The following ERC1 variants were observed in gnomAD, a reference collection of about 807,000 sequenced individuals.
ERC1 encodes RAB6 interacting protein 2.
ERC1 carries 56 observed loss-of-function variants against 132.0 expected under a neutral mutation model. The ratio of observed to expected loss-of-function variants is 0.42; its 90% CI spans 0.34 to 0.53. ERC1 has a LOEUF of 0.53. Ranked by LOEUF, ERC1 falls within the 20% of genes least tolerant of loss-of-function variation. The pLI is 0.03. For missense variants in ERC1, 1,202 were observed against 1,349.9 expected (o/e 0.89, Z 1.72); for synonymous variants, 478 against 476.1 (o/e 1.00, Z -0.05).
chr12:1,274,584 C>G (rs976580336), intron 14 of ERC1, among the ~76,000 whole-genome samples: 1 of 151,900 alleles, frequency 6.6e-6, no homozygotes, highest in Non-Finnish European at 1.5e-5. Flanking sequence ...CCTCCATCTC[C>G]CAGGTTCAAG....
At chr12:1,477,733 C>G (rs1171522908) in intron 18 of ERC1, among the ~76,000 whole-genome samples, 1 of 152,132 alleles carries the variant, frequency 6.6e-6, no homozygotes, top group African/African-American at 2.4e-5. Context: ...CAGAATGTTA[C>G]CAGTGCCGAA....
intron 1 of ERC1, among the ~76,000 whole-genome samples, chr12:994,277 A>G (rs747875788): frequency 6.6e-6 from 1 of 152,188 alleles, no homozygotes; most frequent in Non-Finnish European, 1.5e-5. Flanking sequence ...TCAGAGACAT[A>G]TAGTAAAATA....
chr12:1,391,164 G>A (rs775739737), intron 16 of ERC1: 2 of 152,240 alleles, frequency 1.3e-5, no homozygotes, highest in African/African-American at 2.4e-5. Context: ...GATGTTATGC[G>A]ATATGACTCT....
At chr12:1,247,924 A>G (rs2076252578) in intron 13 of ERC1, among the ~76,000 whole-genome samples, 1 of 152,184 alleles carries the variant, frequency 6.6e-6, no homozygotes, top group Non-Finnish European at 1.5e-5. Flanking sequence ...TGAACCTGGG[A>G]GGTGGAGGTT....
chr12:1,341,058 CTTTTCT>C (rs1344930048), intron 15 of ERC1, among the ~76,000 whole-genome samples: 47 of 54,288 alleles, frequency 8.7e-4, no homozygotes, highest in South Asian at 3.1e-3. Context: ...TCCACTTATT[CTTTTCT>C]TTTTCTTTTT....
chr12:1,293,309 C>T (rs1170095286), intron 15 of ERC1, among the ~76,000 whole-genome samples: 1 of 150,384 alleles, frequency 6.6e-6, no homozygotes, highest in East Asian at 1.9e-4. Context: ...AAACATTAGC[C>T]AGGCGTGGTG....
At chr12:1,029,898 C>G (rs1967676271) in intron 2 of ERC1, among the ~76,000 whole-genome samples, 1 of 152,016 alleles carries the variant, frequency 6.6e-6, no homozygotes, top group Non-Finnish European at 1.5e-5. Flanking sequence ...CAGGTGCCCG[C>G]CACCACGCCT....
intron 8 of ERC1, among the ~76,000 whole-genome samples, chr12:1,154,621 T>A (rs1951193542): frequency 6.7e-6 from 1 of 150,120 alleles, no homozygotes; most frequent in Non-Finnish European, 1.5e-5. Flanking sequence ...ATCAAAAGAG[T>A]AAATAGACCA....
chr12:1,075,526 AC>A (rs1424960160), intron 2 of ERC1, among the ~76,000 whole-genome samples: 1 of 152,142 alleles, frequency 6.6e-6, no homozygotes, highest in East Asian at 1.9e-4. Context: ...CCCCGTCTCT[AC>A]TAAAAATACA....
intron 15 of ERC1, among the ~76,000 whole-genome samples, chr12:1,368,531 G>A (rs868392185): frequency 2.6e-5 from 4 of 152,110 alleles, no homozygotes; most frequent in Admixed American, 2.0e-4. Flanking sequence ...ACACTCTCAA[G>A]TGTGCCATGT....
chr12:1,469,972 C>CG (rs2093825528), intron 18 of ERC1, among the ~76,000 whole-genome samples: 1 of 151,642 alleles, frequency 6.6e-6, no homozygotes, highest in African/African-American at 2.4e-5. Context: ...GAGCAGCCCA[C>CG]GGGACCCTAG....
In ERC1 at chr12:1,420,927, G is replaced by T. The variant is rs1354682434; in HGVS notation, c.3024+12680G>T. On this transcript the variant is annotated intron_variant, in intron 17 of 18. Coordinates refer to ENST00000360905, the MANE Select transcript of ERC1 (RefSeq NM_178040.4). ...TTTGTTTGGTTTTGGTTTGGGGGGG[G>T]GGGGGGTTAATTATAAAGCATTCTA... is the stretch of plus-strand genomic sequence containing the variant. Among the ~76,000 whole-genome samples the T allele has an allele frequency of 3.4e-5, 5 of 146,830 alleles. No individual in the cohort carries two copies. The South Asian group carries it at 6.7e-4, about 20-fold the overall frequency.
chr12:1,402,614 A>ACACACACACACACACACACC (rs2091165018), intron 16 of ERC1, among the ~76,000 whole-genome samples: 2 of 144,992 alleles, frequency 1.4e-5, no homozygotes, highest in African/African-American at 5.1e-5. Context: ...TGTAACCCCC[A>ACACACACACACACACACACC]ACACACACAC....
chr12:1,351,726 A>G (rs951388974), intron 15 of ERC1, among the ~76,000 whole-genome samples: 6 of 152,080 alleles, frequency 3.9e-5, no homozygotes, highest in African/African-American at 1.4e-4. Flanking sequence ...TATGGGGTAC[A>G]TAGTGATGTT....
At chr12:1,214,661 TACATACACACACACAC>T (rs1267474098) in intron 12 of ERC1, among the ~76,000 whole-genome samples, 30 of 118,072 alleles carry the variant, frequency 2.5e-4, no homozygotes, top group Non-Finnish European at 3.2e-4. Context: ...CGTGTGTGTA[TACATACACACACACAC>T]ACACACACAC....
rs201786277 is a variant in ERC1, at chr12:1,259,520, C to CTT, written c.2488-3494_2488-3493dup. 1.2e-3 allele frequency among the ~76,000 whole-genome samples: 142 copies of CTT among 113,868 alleles called. 2 individuals carry two copies. Among genetic ancestry groups the CTT allele is most frequent in the Middle Eastern group, 5.3e-3 (1 of 188 alleles). 74.7% of individuals were successfully genotyped at this position (113,868 alleles called of 152,430 possible). ...GTCTTGGGTATCTCTTTCTTTCTTTCTTTTTTTTTTTTTTTTTTTTTGAGA... is the reference window on the plus strand; with the variant it reads ...GTCTTGGGTATCTCTTTCTTTCTTTCTTTTTTTTTTTTTTTTTTTTTTTGAGA... On this transcript the variant is annotated intron_variant, in intron 13 of 18. Transcript: ENST00000360905.
intron 15 of ERC1, among the ~76,000 whole-genome samples, chr12:1,304,280 T>G (rs991947095): frequency 6.6e-6 from 1 of 152,196 alleles, no homozygotes; most frequent in African/African-American, 2.4e-5. Context: ...CTCAGGCTGG[T>G]GTCAAGTGAT....
At chr12:1,076,397 C>CT (rs71293129) in intron 2 of ERC1, among the ~76,000 whole-genome samples, 30,971 of 130,882 alleles carry the variant, frequency 0.24, 3,847 homozygotes, top group Middle Eastern at 0.29. Flanking sequence ...TTTTCTTTTT[C>CT]TTTTTTTTTT....
At chr12:1,149,716 G>A (rs1017170016) in intron 8 of ERC1, among the ~76,000 whole-genome samples, 7 of 151,952 alleles carry the variant, frequency 4.6e-5, no homozygotes, top group African/African-American at 1.7e-4. Flanking sequence ...TTCATTTTTT[G>A]TTATCATTTA....
Sources: allele counts gnomAD v4.1 joint callset (sites outside exome capture counted in the v4.1 genomes callset), GRCh38; gene constraint gnomAD v4.1.1; transcripts MANE v1.5; gene names NCBI Gene and HGNC (gene_info 2026-07-23, HGNC 2026-07-21).